Variants in MCCC2 observed in about 807,000 individuals in gnomAD.
MCCC2 encodes methylcrotonyl-CoA carboxylase subunit 2.
MCCC2 carries 52 observed loss-of-function variants against 77.2 expected under a neutral mutation model. That is an observed-to-expected ratio of 0.67 (90% CI 0.54 to 0.85). The LOEUF (loss-of-function observed/expected upper bound fraction) is 0.85, where lower values mean the gene tolerates loss of function less well. MCCC2 is among the 40% of genes least tolerant of loss of function. MCCC2 has a pLI of 0.00. For synonymous variants in MCCC2, 253 were observed against 248.4 expected, an observed-to-expected ratio of 1.02 and a Z score of -0.18; for missense variants, 682 against 703.2, an observed-to-expected ratio of 0.97 and a Z score of 0.34.
chr5:71,642,301 G>T (rs1190751616), intron 11 of MCCC2, among the ~76,000 whole-genome samples: 2 of 152,120 alleles, frequency 1.3e-5, no homozygotes, highest in Non-Finnish European at 2.9e-5. Context: ...AAGGTGGGAG[G>T]CATAAAGGGT....
At chr5:71,631,193 C>T (rs1383099483) in intron 7 of MCCC2, among the ~76,000 whole-genome samples, 1 of 152,148 alleles carries the variant, frequency 6.6e-6, no homozygotes, top group Non-Finnish European at 1.5e-5. Context: ...ACAGTTCCTG[C>T]CACCAAGGAA....
rs1263031677 is a variant in MCCC2 at position 71,587,507 on chromosome 5, G to GTGGCCTCGC, written c.86_94dup (p.Ala29_Leu31dup). The stretch of plus-strand genomic sequence containing the variant: ...GCCGCGCGCCTATCACGGGGACTCG[G>GTGGCCTCGC]TGGCCTCGCTGGGCACCCAGCCGGA... On this transcript the variant is annotated inframe_insertion, in exon 1 of 17. Coordinates refer to ENST00000340941, the MANE Select transcript of MCCC2 (RefSeq NM_022132.5). 2.6e-6 allele frequency: 4 copies of GTGGCCTCGC among 1,538,270 alleles called. No individual in the cohort carries two copies. Among genetic ancestry groups the GTGGCCTCGC allele is most frequent in the Middle Eastern group, 1.8e-4 (1 of 5,668 alleles).
intron 1 of MCCC2, among the ~76,000 whole-genome samples, chr5:71,589,809 T>A (rs1454664924): frequency 6.6e-6 from 1 of 152,238 alleles, no homozygotes; most frequent in Non-Finnish European, 1.5e-5. Flanking sequence ...TTCTGTTTTA[T>A]AGATGGGAAA....
chr5:71,605,954 AC>A (rs748636048), intron 6 of MCCC2, among the ~76,000 whole-genome samples: 2 of 152,186 alleles, frequency 1.3e-5, no homozygotes, highest in Non-Finnish European at 2.9e-5. Context: ...TGGTACCAAT[AC>A]CATGCTGTTT....
chr5:71,635,612 T>G (rs1746888539), intron 10 of MCCC2: 1 of 356,796 alleles, frequency 2.8e-6, no homozygotes, highest in Non-Finnish European at 5.4e-6. Flanking sequence ...GAAATGTCAG[T>G]AAGTTGTTGG....
intron 16 of MCCC2, among the ~76,000 whole-genome samples, chr5:71,653,511 T>G (rs1331816614): frequency 6.6e-6 from 1 of 152,144 alleles, no homozygotes; most frequent in Non-Finnish European, 1.5e-5. Flanking sequence ...TAGCTTATGT[T>G]GTAATTTATG....
At chr5:71,611,770 A>C (rs781258481) in intron 6 of MCCC2, among the ~76,000 whole-genome samples, 1 of 151,916 alleles carries the variant, frequency 6.6e-6, no homozygotes, top group Non-Finnish European at 1.5e-5. Context: ...ACTATATCTC[A>C]AATACTTTAT....
intron 16 of MCCC2, among the ~76,000 whole-genome samples, chr5:71,655,434 T>C: frequency 6.6e-6 from 1 of 152,232 alleles, no homozygotes; most frequent in East Asian, 1.9e-4. Flanking sequence ...AATCAAACTT[T>C]TATCCGGCAT....
chr5:71,633,131 A>ATATATATATTTTTTTTTTTTTTTT (rs1554137344), intron 8 of MCCC2, among the ~76,000 whole-genome samples: 1 of 78,096 alleles, frequency 1.3e-5, no homozygotes, highest in African/African-American at 5.1e-5. Flanking sequence ...ATATATATAT[A>ATATATATATTTTTTTTTTTTTTTT]TTTTTATTTT....
intron 6 of MCCC2, among the ~76,000 whole-genome samples, chr5:71,618,536 CCTTCCTTCCTTCCTTT>C (rs1337567686): frequency 4.1e-4 from 22 of 53,792 alleles, no homozygotes; most frequent in East Asian, 3.0e-3. Flanking sequence ...TTCCTTCCTT[CCTTCCTTCCTTCCTTT>C]CTTTCTTTCT....
intron 7 of MCCC2, among the ~76,000 whole-genome samples, chr5:71,630,816 C>T (rs1451651030): frequency 1.3e-5 from 2 of 151,498 alleles, no homozygotes; most frequent in Admixed American, 6.6e-5. Context: ...TTTTCTTTAC[C>T]TTCAACCTCT....
In MCCC2 at chr5:71,644,994, T is replaced by C. The variant is rs1232026578; in HGVS notation, c.1149+1099T>C. Among the ~76,000 whole-genome samples the C allele has an allele frequency of 2.0e-5, 3 of 152,278 alleles. No homozygotes were observed. The South Asian group carries it at 6.2e-4, about 32-fold the overall frequency. ...CTTTTTTTAAAAAATTGATATGCTA[T>C]ATATAGAGAGGTTTTGCATGTTTTC... is the stretch of plus-strand genomic sequence containing the variant. On this transcript the variant is annotated intron_variant, in intron 12 of 16. Transcript: ENST00000340941.
At chr5:71,630,363 A>G (rs1283170665) in intron 7 of MCCC2, among the ~76,000 whole-genome samples, 1 of 152,128 alleles carries the variant, frequency 6.6e-6, no homozygotes, top group African/African-American at 2.4e-5. Context: ...TGAACTTGTC[A>G]TTTAGTCAAA....
At position 71,604,418 on chromosome 5, in the gene MCCC2, G is replaced by A. The variant is rs761093476; in HGVS notation, c.574G>A (p.Gly192Ser). 6.2e-7 allele frequency: 1 copy of A among 1,614,036 alleles called. No homozygotes were observed. Among genetic ancestry groups the A allele is most frequent in the South Asian group, 1.1e-5 (1 of 91,068 alleles). ...TGTGTTTCCAGATCGAGACCACTTT[G>A]GCCGTACATTCTATAATCAGGCAAT... ...ADVFPDRDHF[G>S]RTFYNQAIMS... Residue 192 changes from glycine (G) to serine (S), a missense_variant, in exon 6 of 17, where the codon GGC (glycine) becomes AGC (serine). Transcript: ENST00000340941.
chr5:71,643,289 A>C lies in MCCC2; in HGVS notation c.1073-530A>C, dbSNP rs1015152847. Reference sequence around the variant, plus strand: ...CTCAGCTACTCAGGAGGCTGAGGTAAGAGGGAGGATCACTTGAAGCCTGAG... The same window carrying C: ...CTCAGCTACTCAGGAGGCTGAGGTACGAGGGAGGATCACTTGAAGCCTGAG... On this transcript the variant is annotated intron_variant, in intron 11 of 16. Coordinates refer to ENST00000340941, the MANE Select transcript of MCCC2 (RefSeq NM_022132.5). Among the ~76,000 whole-genome samples the C allele has an allele frequency of 1.2e-4, 18 of 151,974 alleles. No individual in the cohort carries two copies. The South Asian group carries it at 3.3e-3, about 28-fold the overall frequency.
intron 3 of MCCC2, 121 bp from the exon 4 acceptor site, chr5:71,599,538 C>A: frequency 1.3e-6 from 1 of 766,144 alleles, no homozygotes; most frequent in Non-Finnish European, 2.3e-6. Context: ...ATTTTATATA[C>A]AACATGTGTA....
chr5:71,622,030 C>T (rs1334766402), intron 6 of MCCC2, among the ~76,000 whole-genome samples: 1 of 151,942 alleles, frequency 6.6e-6, no homozygotes, highest in Non-Finnish European at 1.5e-5. Context: ...GCCTGTAATC[C>T]CAGCACTTTG....
At chr5:71,592,805 T>C in intron 1 of MCCC2, 121 bp from the exon 2 acceptor site, 1 of 783,406 alleles carries the variant, frequency 1.3e-6, no homozygotes, top group Non-Finnish European at 2.2e-6. Context: ...GGTGGCCCAG[T>C]GTGGCGGCCA....
chr5:71,641,890 G>T (rs1231910955), intron 11 of MCCC2, among the ~76,000 whole-genome samples: 1 of 152,162 alleles, frequency 6.6e-6, no homozygotes, highest in Admixed American at 6.5e-5. Flanking sequence ...ACAAAAGAAG[G>T]GTTCACACTG....
Sources: allele counts gnomAD v4.1 joint callset (sites outside exome capture counted in the v4.1 genomes callset), GRCh38; gene constraint gnomAD v4.1.1; transcripts MANE v1.5; gene names NCBI Gene and HGNC (gene_info 2026-07-23, HGNC 2026-07-21).